The following USO1 variants were observed in gnomAD, a reference collection of about 807,000 sequenced individuals.
USO1 encodes the protein USO1 vesicle transport factor.
A neutral mutation model predicts 124.5 loss-of-function variants in USO1; 57 were observed. The observed-to-expected ratio is 0.46, with a 90% confidence interval of 0.37 to 0.57. The LOEUF (loss-of-function observed/expected upper bound fraction) is 0.57. Ranked by LOEUF, USO1 falls within the 20% of genes least tolerant of loss-of-function variation. USO1 has a pLI of 0.00. For synonymous variants in USO1, 369 were observed against 362.8 expected (o/e 1.02, Z -0.19); for missense variants, 900 against 1,040.6 (o/e 0.86, Z 1.86).
chr4:75,806,618 A>G (rs945624092), intron 20 of USO1, 46 bp downstream of exon 20: 1 of 1,540,770 alleles, frequency 6.5e-7, no homozygotes, highest in East Asian at 2.5e-5. Context: ...TGTTTTAATT[A>G]TAATAGAATA....
intron 1 of USO1, among the ~76,000 whole-genome samples, chr4:75,748,990 T>A (rs984655145): frequency 2.6e-5 from 4 of 151,850 alleles, no homozygotes; most frequent in Non-Finnish European, 5.9e-5. Context: ...ATGTATATAT[T>A]AGGAAAAGTG....
chr4:75,784,749 C>T (rs1226883517), intron 9 of USO1, among the ~76,000 whole-genome samples: 1 of 151,652 alleles, frequency 6.6e-6, no homozygotes, highest in Non-Finnish European at 1.5e-5. Flanking sequence ...CATAATCACG[C>T]CACGCACTCC....
At chr4:75,765,119 T>C (rs1324138452) in intron 4 of USO1, among the ~76,000 whole-genome samples, 1 of 152,176 alleles carries the variant, frequency 6.6e-6, no homozygotes, top group African/African-American at 2.4e-5. Context: ...CAAATATGAA[T>C]ATATGCAAAT....
intron 9 of USO1, among the ~76,000 whole-genome samples, chr4:75,784,442 A>C (rs898733279): frequency 6.6e-6 from 1 of 152,220 alleles, no homozygotes; most frequent in Non-Finnish European, 1.5e-5. Flanking sequence ...TGAAAATTTA[A>C]ATTGTTTGAG....
intron 1 of USO1, among the ~76,000 whole-genome samples, chr4:75,739,105 T>G (rs6855960): frequency 0.9 from 137,567 of 152,212 alleles, 62,334 homozygotes; most frequent in African/African-American, 0.98. Flanking sequence ...GCCCGCCTCG[T>G]CCTCCCAAAG....
chr4:75,786,456 CTG>C (rs3059598), intron 9 of USO1, among the ~76,000 whole-genome samples: 81,028 of 151,868 alleles, frequency 0.53, 23,343 homozygotes, highest in East Asian at 0.81. Flanking sequence ...GGAGACATAA[CTG>C]TGTTAAATAG....
chr4:75,805,764 A>C, intron 19 of USO1, among the ~76,000 whole-genome samples: 1 of 152,112 alleles, frequency 6.6e-6, no homozygotes, highest in East Asian at 1.9e-4. Flanking sequence ...AACTGTTTAA[A>C]CTTCAATGCT....
intron 17 of USO1, among the ~76,000 whole-genome samples, chr4:75,801,666 A>T (rs778222780): frequency 2.0e-4 from 31 of 152,176 alleles, no homozygotes; most frequent in Non-Finnish European, 4.1e-4. Flanking sequence ...ACCCTGTGGG[A>T]CAGATTCATC....
intron 8 of USO1, among the ~76,000 whole-genome samples, chr4:75,780,087 A>G (rs938107858): frequency 6.6e-6 from 1 of 152,114 alleles, no homozygotes; most frequent in African/African-American, 2.4e-5. Flanking sequence ...CAGCACATCT[A>G]TGTAATAGCA....
intron 13 of USO1, among the ~76,000 whole-genome samples, chr4:75,798,606 A>G (rs749398820): frequency 6.6e-6 from 1 of 152,220 alleles, no homozygotes; most frequent in Non-Finnish European, 1.5e-5. Flanking sequence ...TCAATATTAA[A>G]TATACCTAAA....
At chr4:75,811,656 A>G (rs1455360049) in intron 22 of USO1, among the ~76,000 whole-genome samples, 1 of 152,256 alleles carries the variant, frequency 6.6e-6, no homozygotes, top group Non-Finnish European at 1.5e-5. Context: ...TAAGGAAAAT[A>G]AGGAAAATAA....
chr4:75,733,728 G>A (rs1720705334), intron 1 of USO1, among the ~76,000 whole-genome samples: 1 of 152,134 alleles, frequency 6.6e-6, no homozygotes, highest in African/African-American at 2.4e-5. Context: ...ACCTTTGTCA[G>A]ATGCATGGTT....
intron 12 of USO1, among the ~76,000 whole-genome samples, chr4:75,792,021 TC>T (rs1168626596): frequency 1.4e-5 from 2 of 144,370 alleles, no homozygotes; most frequent in Non-Finnish European, 3.1e-5. Flanking sequence ...CTGAAATGCT[TC>T]TTTTTTTTTT....
chr4:75,763,743 A>G (rs1721689533), intron 4 of USO1, among the ~76,000 whole-genome samples: 1 of 152,174 alleles, frequency 6.6e-6, no homozygotes, highest in Non-Finnish European at 1.5e-5. Context: ...ACTATAGGCT[A>G]TAAAAAACTT....
chr4:75,771,448 T>C (rs534093825), intron 7 of USO1, among the ~76,000 whole-genome samples: 3 of 152,358 alleles, frequency 2.0e-5, no homozygotes, highest in African/African-American at 7.2e-5. Context: ...TTTCATTCTT[T>C]CCTGGCTATC....
intron 1 of USO1, among the ~76,000 whole-genome samples, chr4:75,730,302 G>T (rs887838619): frequency 6.6e-6 from 1 of 152,066 alleles, no homozygotes; most frequent in Non-Finnish European, 1.5e-5. Context: ...AAAAAATTTT[G>T]TCAGCAAAGA....
intron 1 of USO1, among the ~76,000 whole-genome samples, chr4:75,731,516 C>T (rs1269398918): frequency 6.6e-6 from 1 of 150,892 alleles, no homozygotes; most frequent in Non-Finnish European, 1.5e-5. Flanking sequence ...GAGCCAAGAT[C>T]GCACCACTGC....
chr4:75,741,105 A>G (rs968746782), intron 1 of USO1, among the ~76,000 whole-genome samples: 4 of 152,192 alleles, frequency 2.6e-5, no homozygotes, highest in African/African-American at 9.7e-5. Flanking sequence ...CCTACTATTC[A>G]CCTAGGCTGT....
intron 1 of USO1, chr4:75,744,901 G>A (rs776348581): frequency 3.9e-6 from 2 of 509,290 alleles, no homozygotes; most frequent in Non-Finnish European, 3.9e-6. Context: ...TGGTACATGT[G>A]CATATATTGC....
Sources: gnomAD v4.1 joint callset for allele counts (sites outside exome capture counted in the v4.1 genomes callset) on GRCh38, gnomAD v4.1.1 for gene constraint, MANE v1.5 for transcripts, NCBI Gene and HGNC (gene_info 2026-07-23, HGNC 2026-07-21) for gene names.